The following ACOXL variants were observed in gnomAD, a reference collection of about 807,000 sequenced individuals.
ACOXL encodes acyl-CoA oxidase like.
In ACOXL, 70 loss-of-function variants were observed where a neutral mutation model predicts 71.9. That is an observed-to-expected ratio of 0.97 (90% CI 0.80 to 1.19). The LOEUF (loss-of-function observed/expected upper bound fraction) is 1.19. Among genes scored for constraint, ACOXL ranks in the 50% most tolerant of loss-of-function variants. The pLI, the probability that ACOXL is intolerant of heterozygous loss-of-function variation, is 0.00. For synonymous variants in ACOXL, 253 were observed against 281.6 expected (o/e 0.90, Z 1.02); for missense variants, 703 against 736.3 (o/e 0.95, Z 0.52).
chr2:110,813,131 G>A (rs928632148), intron 9 of ACOXL, among the ~76,000 whole-genome samples: 1 of 152,214 alleles, frequency 6.6e-6, no homozygotes, highest in Admixed American at 6.5e-5. Flanking sequence ...TCACAGATGG[G>A]CAGCCAGAAA....
At position 110,794,185 on chromosome 2, in the gene ACOXL, C is replaced by T. The variant is rs1393746798; in HGVS notation, c.345+11C>T. On this transcript the variant is annotated intron_variant, in intron 5 of 17. Transcript: ENST00000439055. ...GACCTCTCTGCCCAGGTGAGGAATC[C>T]ATCCTTCTCCTGCCGTGCAGGGGAG... The T allele has an allele frequency of 4.3e-6, 7 of 1,613,284 alleles. No homozygotes were observed. The highest frequency in any genetic ancestry group is 1.7e-5 in the Admixed American group (1 of 60,016).
At chr2:110,901,642 CCACACACACACA>C (rs10537484) in intron 10 of ACOXL, among the ~76,000 whole-genome samples, 7 of 147,016 alleles carry the variant, frequency 4.8e-5, no homozygotes, top group South Asian at 4.4e-4. Context: ...TATCTCTACG[CCACACACACACA>C]CACACACACA....
chr2:110,918,612 A>G (rs1458491644), intron 11 of ACOXL, among the ~76,000 whole-genome samples: 3 of 152,254 alleles, frequency 2.0e-5, no homozygotes, highest in African/African-American at 7.2e-5. Flanking sequence ...CAGAGTGAAC[A>G]GGCAACCTAT....
intron 3 of ACOXL, among the ~76,000 whole-genome samples, chr2:110,792,164 G>C (rs56169320): frequency 0.051 from 7,823 of 152,276 alleles, 322 homozygotes; most frequent in African/African-American, 0.11. Context: ...CTGGCCAGAT[G>C]AGCCAGTCCT....
chr2:110,883,357 G>A (rs763523446), intron 10 of ACOXL, among the ~76,000 whole-genome samples: 5 of 151,992 alleles, frequency 3.3e-5, no homozygotes, highest in African/African-American at 4.8e-5. Context: ...CAATCCACCC[G>A]CCTCAGCATC....
intron 14 of ACOXL, among the ~76,000 whole-genome samples, chr2:111,028,271 TACTC>T (rs1244910684): frequency 6.6e-6 from 1 of 152,066 alleles, no homozygotes; most frequent in East Asian, 1.9e-4. Flanking sequence ...CAGTCTTACT[TACTC>T]CTTTTTGTTT....
chr2:110,891,705 G>A (rs1456634365), intron 10 of ACOXL, among the ~76,000 whole-genome samples: 1 of 152,068 alleles, frequency 6.6e-6, no homozygotes, highest in African/African-American at 2.4e-5. Context: ...CAATTAAATG[G>A]AAAGTGCTTT....
At chr2:110,981,992 G>A (rs909505051) in intron 12 of ACOXL, among the ~76,000 whole-genome samples, 1 of 152,196 alleles carries the variant, frequency 6.6e-6, no homozygotes, top group African/African-American at 2.4e-5. Context: ...ACACCAACAA[G>A]GTCCAGATTT....
At chr2:111,087,699 T>C (rs1033056713) in intron 16 of ACOXL, among the ~76,000 whole-genome samples, 2 of 151,724 alleles carry the variant, frequency 1.3e-5, no homozygotes, top group Admixed American at 1.3e-4. Context: ...TCTAAACCTA[T>C]GATAACCTGG....
At chr2:110,856,993 G>A (rs758624197) in intron 10 of ACOXL, among the ~76,000 whole-genome samples, 3 of 152,120 alleles carry the variant, frequency 2.0e-5, no homozygotes, top group Admixed American at 1.3e-4. Flanking sequence ...CAGTTATTTC[G>A]TATCAGGTAG....
chr2:110,764,230 A>G (rs1680755979), intron 1 of ACOXL, among the ~76,000 whole-genome samples: 1 of 152,208 alleles, frequency 6.6e-6, no homozygotes, highest in South Asian at 2.1e-4. Flanking sequence ...TAGCAATTCT[A>G]TTCATAATTT....
intron 14 of ACOXL, among the ~76,000 whole-genome samples, chr2:111,026,211 T>G (rs1469288280): frequency 6.6e-6 from 1 of 152,200 alleles, no homozygotes; most frequent in African/African-American, 2.4e-5. Flanking sequence ...CTCCAATGCT[T>G]CTTTTCTCAA....
intron 16 of ACOXL, among the ~76,000 whole-genome samples, chr2:111,068,710 G>C (rs17041844): frequency 0.029 from 4,482 of 152,258 alleles, 238 homozygotes; most frequent in African/African-American, 0.1. Context: ...GATGGTCACC[G>C]ACGGGTTTCT....
At position 110,847,165 on chromosome 2, in the gene ACOXL, T is replaced by TTG. The variant is rs2148908210; in HGVS notation, c.788+5761_788+5762insGT. On this transcript the variant is annotated intron_variant, in intron 10 of 17. Transcript: ENST00000439055. ...CCATCACCCACACAGTGGGGAACAA[T>TTG]TTCCCCACTGTGTGGGTGTTTTGTT... Among the ~76,000 whole-genome samples, 4 of 152,000 alleles carry TTG rather than the reference T, an allele frequency of 2.6e-5. 1 individual carries two copies. The South Asian group carries it at 8.3e-4, about 32-fold the overall frequency.
intron 9 of ACOXL, among the ~76,000 whole-genome samples, chr2:110,819,853 G>A (rs1353932032): frequency 5.9e-5 from 9 of 152,162 alleles, no homozygotes; most frequent in South Asian, 2.1e-4. Context: ...GCTTTGGTTT[G>A]ATATAGGCCA....
intron 10 of ACOXL, among the ~76,000 whole-genome samples, chr2:110,877,553 T>C (rs887327009): frequency 6.6e-6 from 1 of 152,200 alleles, no homozygotes; most frequent in African/African-American, 2.4e-5. Flanking sequence ...ACTTAACCCT[T>C]TGAACGTAGC....
At chr2:110,946,506 T>A (rs1246151218) in intron 12 of ACOXL, among the ~76,000 whole-genome samples, 1 of 152,212 alleles carries the variant, frequency 6.6e-6, no homozygotes, top group African/African-American at 2.4e-5. Flanking sequence ...CAGTATGAAG[T>A]TGAGAGCCAT....
At chr2:111,079,316 A>G (rs2149965932) in intron 16 of ACOXL, among the ~76,000 whole-genome samples, 1 of 152,262 alleles carries the variant, frequency 6.6e-6, no homozygotes, top group East Asian at 1.9e-4. Flanking sequence ...TAGTGTATAT[A>G]CATTATTTAG....
chr2:111,102,417 A>G (rs2069226731), intron 17 of ACOXL, among the ~76,000 whole-genome samples: 1 of 152,146 alleles, frequency 6.6e-6, no homozygotes, highest in Non-Finnish European at 1.5e-5. Flanking sequence ...TATTTTCTTC[A>G]TTCAAGGGTA....
Sources: gnomAD v4.1 joint callset for allele counts (sites outside exome capture counted in the v4.1 genomes callset) on GRCh38, gnomAD v4.1.1 for gene constraint, MANE v1.5 for transcripts, NCBI Gene and HGNC (gene_info 2026-07-23, HGNC 2026-07-21) for gene names.